Variants in MYSM1 observed in about 807,000 individuals in gnomAD.
MYSM1 encodes Myb like, SWIRM and MPN domains 1.
Under a neutral mutation model 116.0 loss-of-function variants are expected in MYSM1, and 51 were observed. The observed-to-expected ratio is 0.44, with a 90% CI of 0.35 to 0.56. The LOEUF is 0.56. MYSM1 is among the 20% of genes least tolerant of loss of function. MYSM1 has a pLI of 0.00. For missense variants in MYSM1, 900 were observed against 974.9 expected, an observed-to-expected ratio of 0.92 and a Z score of 1.02; for synonymous variants, 313 against 315.2, an observed-to-expected ratio of 0.99 and a Z score of 0.07.
At chr1:58,680,427 T>C (rs1311979866) in intron 8 of MYSM1, among the ~76,000 whole-genome samples, 1 of 152,224 alleles carries the variant, frequency 6.6e-6, no homozygotes, top group East Asian at 1.9e-4. Flanking sequence ...TATAAAGCAC[T>C]ATGTAAAGTC....
chr1:58,673,010 T>C (rs994892749), intron 11 of MYSM1, among the ~76,000 whole-genome samples: 1 of 152,168 alleles, frequency 6.6e-6, no homozygotes, highest in Non-Finnish European at 1.5e-5. Context: ...TACTAGCATC[T>C]TTATATAGTC....
At chr1:58,683,976 G>C (rs1331367589) in intron 7 of MYSM1, among the ~76,000 whole-genome samples, 1 of 152,066 alleles carries the variant, frequency 6.6e-6, no homozygotes, top group Non-Finnish European at 1.5e-5. Flanking sequence ...TACATAGCAT[G>C]TATCTTGGAA....
intron 8 of MYSM1, among the ~76,000 whole-genome samples, chr1:58,680,026 C>CAAAAA (rs6143231): frequency 3.9e-4 from 50 of 126,934 alleles, no homozygotes; most frequent in African/African-American, 1.4e-3. Flanking sequence ...GACTCTGTCT[C>CAAAAA]AAAAAAAAAA....
intron 9 of MYSM1, among the ~76,000 whole-genome samples, chr1:58,676,044 A>T (rs981491297): frequency 6.6e-6 from 1 of 152,174 alleles, no homozygotes; most frequent in African/African-American, 2.4e-5. Flanking sequence ...CACAGAATAT[A>T]CTCTTCTTAA....
Position 58,661,187 on chromosome 1 carries a change from G to C in MYSM1, c.2311C>G (p.Leu771Val). The change falls in exon 19 of 20, where the codon CTG becomes GTG. Residue 771 changes from leucine (L) to valine (V), a missense_variant. By Grantham distance (32) the Leu-to-Val change is conservative. Around this residue, in one of 3 missense-constraint regions of MYSM1, gnomAD observed 186 missense variants for 196.2 expected, o/e 0.95. Coordinates refer to ENST00000472487, the MANE Select transcript of MYSM1 (RefSeq NM_001085487.3). The stretch of plus-strand genomic sequence containing the variant: ...CAGCTTACTTTCTGCAAACAAGTCA[G>C]GTCAGAATCCCGGCGAAAGATTTTA... ...MDKIFRRDSD[L>V]TCLQKLLECM... 6.2e-7 allele frequency: 1 copy of C among 1,613,088 alleles called. No individual in the cohort carries two copies. Among genetic ancestry groups the C allele is most frequent in the Non-Finnish European group, 8.5e-7 (1 of 1,179,232 alleles).
chr1:58,684,111 G>T (rs1644789526), intron 7 of MYSM1, among the ~76,000 whole-genome samples: 1 of 152,056 alleles, frequency 6.6e-6, no homozygotes, highest in African/African-American at 2.4e-5. Context: ...GATGTATGAT[G>T]AATCCATTCC....
chr1:58,687,322 A>C (rs1644841054), intron 6 of MYSM1, among the ~76,000 whole-genome samples: 2 of 152,344 alleles, frequency 1.3e-5, no homozygotes, highest in South Asian at 2.1e-4. Flanking sequence ...AACACAAAGA[A>C]GACACTGGTT....
chr1:58,691,792 G>A (rs1466072218), intron 3 of MYSM1, among the ~76,000 whole-genome samples: 1 of 152,006 alleles, frequency 6.6e-6, no homozygotes, highest in Non-Finnish European at 1.5e-5. Flanking sequence ...GCTTGAACCA[G>A]GGAGGCAGAG....
intron 3 of MYSM1, among the ~76,000 whole-genome samples, chr1:58,691,279 CAAA>C (rs1157148256): frequency 8.6e-6 from 1 of 116,940 alleles, no homozygotes; most frequent in Admixed American, 8.8e-5. Context: ...GACTCCGTCT[CAAA>C]AAAAAAAAAC....
rs1356009771 is a variant in MYSM1, at chr1:58,660,125, T to C, written c.2359A>G (p.Lys787Glu). 1 of 1,605,934 alleles carries C rather than the reference T, an allele frequency of 6.2e-7. No individual in the cohort carries two copies. Among genetic ancestry groups the C allele is most frequent in the Non-Finnish European group, 8.5e-7 (1 of 1,176,880 alleles). Residue 787 changes from lysine (K) to glutamate (E), a missense_variant, in exon 20 of 20, where the codon AAA becomes GAA. Lys to Glu is a moderately conservative substitution (Grantham distance 56). Transcript: ENST00000472487. Reference protein sequence around the residue: ...LLECMRKTLSKVTNCFMAEEF... With the variant: ...LLECMRKTLSEVTNCFMAEEF... The stretch of plus-strand genomic sequence containing the variant: ...TCAGCCATAAAGCAATTGGTCACTT[T>C]GCTCAGAGTCTTCCTCATACACTCC...
At chr1:58,690,964 T>C (rs962492195) in intron 3 of MYSM1, among the ~76,000 whole-genome samples, 8 of 152,162 alleles carry the variant, frequency 5.3e-5, no homozygotes, top group Non-Finnish European at 8.8e-5. Context: ...ACCAGAGAAC[T>C]TCCCTCTTAA....
In MYSM1 at chr1:58,690,331, T is replaced by A. The variant is rs1259198640; in HGVS notation, c.296+9A>T. 6.3e-7 allele frequency: 1 copy of A among 1,593,356 alleles called. No individual in the cohort carries two copies. Among genetic ancestry groups the A allele is most frequent in the South Asian group, 1.2e-5 (1 of 86,370 alleles). On this transcript the variant is annotated intron_variant, in intron 4 of 19. Transcript: ENST00000472487. ...CCAGACTTTTAGAAATATTATAAAT[T>A]GATTTTACCTCTTCATGTATTTTTT...
intron 19 of MYSM1, among the ~76,000 whole-genome samples, chr1:58,660,498 A>C (rs541115046): frequency 1.4e-4 from 22 of 152,276 alleles, no homozygotes; most frequent in Non-Finnish European, 2.4e-4. Flanking sequence ...CACACACACA[A>C]AAATCTAGGT....
intron 16 of MYSM1, 32 bp downstream of exon 16, chr1:58,667,006 C>G: frequency 7.2e-7 from 1 of 1,392,550 alleles, no homozygotes; most frequent in Non-Finnish European, 9.9e-7. Flanking sequence ...GGGTGTGCAA[C>G]CATTTACAGA....
chr1:58,669,831 G>A, intron 12 of MYSM1, among the ~76,000 whole-genome samples: 1 of 60,374 alleles, frequency 1.7e-5, no homozygotes, highest in Non-Finnish European at 2.8e-5. Context: ...GTGAGACCCT[G>A]TCTCCAAAAA....
In MYSM1 at chr1:58,690,391, G is replaced by C. The variant is rs768128851; in HGVS notation, c.245C>G (p.Pro82Arg). 2 of 1,599,596 alleles carry C rather than the reference G, an allele frequency of 1.3e-6. No individual in the cohort carries two copies. Among genetic ancestry groups the C allele is most frequent in the Non-Finnish European group, 1.7e-6 (2 of 1,172,408 alleles). ...EEYYLSKKSQ[P>R]EKVWLDQKED... Reference sequence around the variant, plus strand: ...CTTTTGATCAAGCCAGACTTTTTCCGGTTGTGATTTTTTAGATAAATAATA... The same window carrying C: ...CTTTTGATCAAGCCAGACTTTTTCCCGTTGTGATTTTTTAGATAAATAATA... The change falls in exon 4 of 20, where the codon CCG becomes CGG. Residue 82 changes from proline (P) to arginine (R), a missense_variant. Physicochemically the swap from Pro to Arg is moderately radical, Grantham distance 103. Around this residue, in one of 3 missense-constraint regions of MYSM1, gnomAD observed 622 missense variants for 623.7 expected, o/e 1.00. Coordinates refer to ENST00000472487, the MANE Select transcript of MYSM1 (RefSeq NM_001085487.3).
Position 58,656,155 on chromosome 1 carries a change from C to T in MYSM1, c.*3842G>A, listed in dbSNP as rs538360173. 6.6e-6 allele frequency: 1 copy of T among 152,296 alleles called. No individual in the cohort carries two copies. The highest frequency in any genetic ancestry group is 2.1e-4 in the South Asian group (1 of 4,826). 9.4% of individuals were successfully genotyped at this position (152,296 alleles called of 1,614,324 possible). On this transcript the variant is annotated 3_prime_UTR_variant, in exon 20 of 20. Coordinates refer to ENST00000472487, the MANE Select transcript of MYSM1 (RefSeq NM_001085487.3). ...CCTGCTCAGGTTGGCATGTTGAAGC[C>T]ACAGTCTCCTCTGTTGGGTTGAGAG...
At position 58,673,614 on chromosome 1, in the gene MYSM1, T is replaced by C. The variant is rs749287506; in HGVS notation, c.1531A>G (p.Asn511Asp). ...RRRRVRDPWG[N>D]WCDAKDLEGQ... ...TCTAAGTCCTTTGCATCACACCAGT[T>C]TCCCCATGGGTCTCGGACCCTACGT... is the stretch of plus-strand genomic sequence containing the variant. The change falls in exon 11 of 20, where the codon AAC becomes GAC. Residue 511 changes from asparagine to aspartate, a missense_variant. Around this residue, in one of 3 missense-constraint regions of MYSM1, gnomAD observed 622 missense variants for 623.7 expected, o/e 1.00. Coordinates refer to ENST00000472487, the MANE Select transcript of MYSM1 (RefSeq NM_001085487.3). 2.4e-5 allele frequency: 39 copies of C among 1,613,974 alleles called. No homozygotes were observed. The highest frequency in any genetic ancestry group is 1.6e-4 in the Middle Eastern group (1 of 6,082).
chr1:58,696,533 C>A (rs1644976536), intron 1 of MYSM1, among the ~76,000 whole-genome samples: 1 of 152,198 alleles, frequency 6.6e-6, no homozygotes, highest in South Asian at 2.1e-4. Flanking sequence ...ATTTAATCTG[C>A]CCTAATTCTG....
Sources: allele counts gnomAD v4.1 joint callset (sites outside exome capture counted in the v4.1 genomes callset), GRCh38; gene constraint gnomAD v4.1.1; regional missense constraint gnomAD v4.1.1; transcripts MANE v1.5; gene names NCBI Gene and HGNC (gene_info 2026-07-23, HGNC 2026-07-21).